The following TOGARAM1 variants were observed in gnomAD, a reference collection of about 807,000 sequenced individuals.
TOGARAM1 encodes the protein TOG array regulator of axonemal microtubules 1.
A neutral mutation model predicts 166.6 loss-of-function variants in TOGARAM1; 100 were observed. The observed-to-expected ratio is 0.60, with a 90% CI of 0.51 to 0.71. The LOEUF (loss-of-function observed/expected upper bound fraction) is 0.71. Ranked by LOEUF, TOGARAM1 falls within the 30% of genes least tolerant of loss-of-function variation. TOGARAM1 has a pLI of 0.00. For missense variants in TOGARAM1, 2,029 were observed against 2,102.7 expected (o/e 0.96, Z 0.69); for synonymous variants, 758 against 763.8 (o/e 0.99, Z 0.13).
chr14:45,039,860 G>C (rs902926430), intron 11 of TOGARAM1, among the ~76,000 whole-genome samples: 1 of 152,142 alleles, frequency 6.6e-6, no homozygotes, highest in Admixed American at 6.5e-5. Context: ...GCTCCCACCT[G>C]TTCCTGGCTC....
At position 45,020,348 on chromosome 14, in the gene TOGARAM1, C is replaced by G. The variant is rs965410650; in HGVS notation, c.3239-5435C>G. ...TTCTGCAGTTAGCAAGTCTAAAGCT[C>G]TTCGATTTTGAAGTACTACTGCTGC... On this transcript the variant is annotated intron_variant, in intron 7 of 19. Coordinates refer to ENST00000361462, the MANE Select transcript of TOGARAM1 (RefSeq NM_001308120.2). Among the ~76,000 whole-genome samples the G allele has an allele frequency of 5.9e-5, 9 of 152,172 alleles. No individual in the cohort carries two copies. The East Asian group carries it at 9.6e-4, about 16-fold the overall frequency.
At chr14:44,984,220 C>A (rs1356955996) in intron 1 of TOGARAM1, among the ~76,000 whole-genome samples, 2 of 151,862 alleles carry the variant, frequency 1.3e-5, no homozygotes, top group African/African-American at 2.4e-5. Flanking sequence ...ATATCCATAT[C>A]TTTTAGAAGA....
chr14:45,065,308 A>G (rs979313416), intron 16 of TOGARAM1, among the ~76,000 whole-genome samples: 4 of 152,182 alleles, frequency 2.6e-5, no homozygotes, highest in African/African-American at 9.7e-5. Flanking sequence ...GGGGTGTCCA[A>G]TCTTTTGCTT....
chr14:45,040,337 C>G (rs1484009582), intron 11 of TOGARAM1, among the ~76,000 whole-genome samples: 2 of 152,178 alleles, frequency 1.3e-5, no homozygotes, highest in South Asian at 2.1e-4. Flanking sequence ...AGTATAACAC[C>G]TATATTAGAA....
In TOGARAM1 at chr14:44,964,306, C is replaced by T. The variant is rs748889964; in HGVS notation, c.1885C>T (p.His629Tyr). The T allele has an allele frequency of 1.9e-6, 3 of 1,614,074 alleles. No homozygotes were observed. In the South Asian group the frequency reaches 3.3e-5, roughly 18 times the overall value. ...TQSAHCHCGD[H>Y]VRDSMHIYGS... ...GAGTGCACACTGTCACTGTGGTGAC[C>T]ACGTGAGGGATAGCATGCACATTTA... is the stretch of plus-strand genomic sequence containing the variant. Residue 629 changes from histidine (H) to tyrosine (Y), a missense_variant, in exon 1 of 20, where the codon CAC (histidine) becomes TAC (tyrosine). This residue lies in a region of TOGARAM1 where 1,453 missense variants were observed against 1,432.2 expected (regional missense o/e 1.01). Transcript: ENST00000361462.
At chr14:44,998,794 C>A (rs1001973576) in intron 2 of TOGARAM1, among the ~76,000 whole-genome samples, 1 of 152,050 alleles carries the variant, frequency 6.6e-6, no homozygotes. Context: ...GTCATTACCA[C>A]CTTTTTTTCT....
chr14:45,028,445 G>A (rs1168094937), intron 10 of TOGARAM1, 116 bp downstream of exon 10: 12 of 1,110,168 alleles, frequency 1.1e-5, no homozygotes, highest in African/African-American at 6.5e-5. Context: ...ATATAACACC[G>A]AAATTTGCAA....
chr14:45,033,074 A>G (rs146751744), intron 11 of TOGARAM1, among the ~76,000 whole-genome samples: 2,935 of 152,072 alleles, frequency 0.019, 34 homozygotes, highest in African/African-American at 0.039. Context: ...ACATAGTGAA[A>G]CCCCATCTCT....
At chr14:44,986,449 C>T (rs915277716) in intron 1 of TOGARAM1, among the ~76,000 whole-genome samples, 1 of 151,898 alleles carries the variant, frequency 6.6e-6, no homozygotes, top group African/African-American at 2.4e-5. Flanking sequence ...GCCAACATAC[C>T]CAGCTAATTT....
chr14:45,045,577 A>T (rs1340872043), intron 13 of TOGARAM1, among the ~76,000 whole-genome samples: 1 of 37,514 alleles, frequency 2.7e-5, no homozygotes, highest in Admixed American at 3.4e-4. Context: ...ATATATATAT[A>T]TATATATGTG....
intron 16 of TOGARAM1, among the ~76,000 whole-genome samples, chr14:45,061,092 AT>A (rs1435901538): frequency 1.3e-5 from 2 of 151,990 alleles, no homozygotes; most frequent in African/African-American, 4.8e-5. Flanking sequence ...TCATTGGTTG[AT>A]TTTTTTCTTT....
At chr14:44,991,540 TA>T (rs1179600818) in intron 1 of TOGARAM1, among the ~76,000 whole-genome samples, 1 of 152,170 alleles carries the variant, frequency 6.6e-6, no homozygotes, top group African/African-American at 2.4e-5. Context: ...ACTTTTATAC[TA>T]TAGGAATATA....
intron 11 of TOGARAM1, among the ~76,000 whole-genome samples, chr14:45,041,135 G>A (rs1004101027): frequency 2.0e-5 from 3 of 152,004 alleles, no homozygotes; most frequent in Admixed American, 6.6e-5. Context: ...AGGAGTGGTG[G>A]CTCACGCCTG....
intron 7 of TOGARAM1, among the ~76,000 whole-genome samples, chr14:45,021,416 C>T (rs1176969765): frequency 6.6e-6 from 1 of 151,832 alleles, no homozygotes; most frequent in African/African-American, 2.4e-5. Context: ...AGCTACTGGT[C>T]ATACAGTGGC....
At chr14:45,023,913 G>A (rs1880676223) in intron 7 of TOGARAM1, among the ~76,000 whole-genome samples, 1 of 152,040 alleles carries the variant, frequency 6.6e-6, no homozygotes, top group African/African-American at 2.4e-5. Flanking sequence ...GCTAATTTTT[G>A]TATTTTTGGT....
At position 45,066,782 on chromosome 14, in the gene TOGARAM1, G is replaced by A. The variant is rs12100842; in HGVS notation, c.4749+15G>A. 0.079 allele frequency: 126,942 copies of A among 1,600,964 alleles called. 10,466 individuals are homozygous for A. The highest frequency in any genetic ancestry group is 0.43 in the African/African-American group (31,725 of 74,526). On this transcript the variant is annotated intron_variant, in intron 17 of 19. Coordinates refer to ENST00000361462, the MANE Select transcript of TOGARAM1 (RefSeq NM_001308120.2). ...ACATTGTGAAGGTAAGGACTTGTCAGAATTAATTTTAATGTGGGTATGGTG... is the reference window on the plus strand; with the variant it reads ...ACATTGTGAAGGTAAGGACTTGTCAAAATTAATTTTAATGTGGGTATGGTG...
At chr14:44,979,856 G>A (rs887205740) in intron 1 of TOGARAM1, among the ~76,000 whole-genome samples, 15 of 152,226 alleles carry the variant, frequency 9.9e-5, no homozygotes, top group African/African-American at 3.6e-4. Flanking sequence ...TGGTCAGGAA[G>A]GTAAAATGCA....
intron 1 of TOGARAM1, 84 bp downstream of exon 1, chr14:44,964,551 T>C: frequency 7.1e-7 from 1 of 1,414,686 alleles, no homozygotes. Flanking sequence ...GTCAGCCTGC[T>C]TGAGGGAAAC....
At chr14:45,008,733 C>G (rs1019585913) in intron 5 of TOGARAM1, among the ~76,000 whole-genome samples, 180 bp from the exon 6 acceptor site, 3 of 151,848 alleles carry the variant, frequency 2.0e-5, no homozygotes, top group Non-Finnish European at 2.9e-5. Flanking sequence ...TTATAAATAC[C>G]CAAGTGATAA....
Sources: allele counts gnomAD v4.1 joint callset (sites outside exome capture counted in the v4.1 genomes callset), GRCh38; gene constraint gnomAD v4.1.1; regional missense constraint gnomAD v4.1.1; transcripts MANE v1.5; gene names NCBI Gene and HGNC (gene_info 2026-07-23, HGNC 2026-07-21).